SLC16A12: variants seen among roughly 807,000 people sequenced by gnomAD.
SLC16A12 encodes the protein monocarboxylate transporter 12.
Under a neutral mutation model 42.4 loss-of-function variants are expected in SLC16A12, and 17 were observed. That is an observed-to-expected ratio of 0.40 (90% CI 0.27 to 0.60). SLC16A12 has a LOEUF of 0.60. Ranked by LOEUF, SLC16A12 falls within the 20% of genes least tolerant of loss-of-function variation. The probability of loss-of-function intolerance (pLI) is 0.42; values close to 1 mark genes in which losing one functional copy is unlikely to be tolerated. For synonymous variants in SLC16A12, 224 were observed against 229.4 expected, an observed-to-expected ratio of 0.98 and a Z score of 0.21; for missense variants, 544 against 623.0, an observed-to-expected ratio of 0.87 and a Z score of 1.35.
At chr10:89,554,054 AAGAAAGAAAGAAAGAAAG>A in intron 2 of SLC16A12, among the ~76,000 whole-genome samples, 1 of 74,286 alleles carries the variant, frequency 1.3e-5, no homozygotes, top group African/African-American at 5.6e-5. Context: ...GAAAGAAAGA[AAGAAAGAAAGAAAGAAAG>A]AAAGAAAGAA....
chr10:89,531,057 A>G (rs1009193465), intron 2 of SLC16A12, among the ~76,000 whole-genome samples: 1 of 152,170 alleles, frequency 6.6e-6, no homozygotes. Context: ...TAGTTTTCAC[A>G]GAAATACCAT....
intron 3 of SLC16A12, among the ~76,000 whole-genome samples, chr10:89,455,449 T>C (rs902981539): frequency 2.6e-5 from 4 of 152,200 alleles, no homozygotes; most frequent in African/African-American, 9.7e-5. Flanking sequence ...GAAATTCTTG[T>C]CTAAACATGT....
intron 2 of SLC16A12, among the ~76,000 whole-genome samples, chr10:89,475,731 A>G (rs1012833820): frequency 1.3e-5 from 2 of 152,194 alleles, no homozygotes; most frequent in African/African-American, 2.4e-5. Flanking sequence ...GAAACTGCCA[A>G]AGCCTCTACA....
chr10:89,434,116 G>A (rs976920591), intron 7 of SLC16A12, among the ~76,000 whole-genome samples: 22 of 152,096 alleles, frequency 1.4e-4, no homozygotes, highest in Admixed American at 3.9e-4. Flanking sequence ...AGATCCATTC[G>A]TCAAAAATAG....
At chr10:89,513,738 G>T (rs1843201025) in intron 2 of SLC16A12, among the ~76,000 whole-genome samples, 1 of 152,152 alleles carries the variant, frequency 6.6e-6, no homozygotes, top group Admixed American at 6.5e-5. Flanking sequence ...GGACTAGTCA[G>T]ACCAGTGCCC....
intron 2 of SLC16A12, among the ~76,000 whole-genome samples, chr10:89,486,130 C>T (rs1842737933): frequency 6.6e-6 from 1 of 152,150 alleles, no homozygotes; most frequent in Non-Finnish European, 1.5e-5. Flanking sequence ...CATCAATAAG[C>T]TCCTCAGTTC....
At chr10:89,439,248 C>G in intron 5 of SLC16A12, 65 bp from the exon 6 acceptor site, 1 of 1,473,860 alleles carries the variant, frequency 6.8e-7, no homozygotes. Context: ...TCTCAGAATA[C>G]AATGATTTAT....
At chr10:89,517,581 G>A (rs1049011555) in intron 2 of SLC16A12, among the ~76,000 whole-genome samples, 1 of 152,100 alleles carries the variant, frequency 6.6e-6, no homozygotes, top group African/African-American at 2.4e-5. Flanking sequence ...AAACCCCTGG[G>A]GTTTCAAGCA....
At chr10:89,476,856 C>A (rs998065715) in intron 2 of SLC16A12, among the ~76,000 whole-genome samples, 2 of 152,234 alleles carry the variant, frequency 1.3e-5, no homozygotes, top group African/African-American at 4.8e-5. Flanking sequence ...CAGGAGGGCT[C>A]ACCTACAGGG....
intron 7 of SLC16A12, 45 bp downstream of exon 7, chr10:89,436,015 A>G (rs1841778029): frequency 6.2e-7 from 1 of 1,611,782 alleles, no homozygotes; most frequent in Non-Finnish European, 8.5e-7. Flanking sequence ...TCACATCAAT[A>G]TGCCAAAGAG....
At chr10:89,491,639 G>A (rs1842849056) in intron 2 of SLC16A12, among the ~76,000 whole-genome samples, 1 of 151,980 alleles carries the variant, frequency 6.6e-6, no homozygotes, top group Non-Finnish European at 1.5e-5. Context: ...TGGGGGAGGA[G>A]GTAAGAATTG....
At chr10:89,472,369 A>G (rs1842511152) in intron 2 of SLC16A12, among the ~76,000 whole-genome samples, 1 of 152,070 alleles carries the variant, frequency 6.6e-6, no homozygotes, top group South Asian at 2.1e-4. Context: ...CCCTGTTCAC[A>G]GATTGGAAGA....
At chr10:89,433,478 G>T in intron 7 of SLC16A12, 152 bp from the exon 8 acceptor site, 1 of 777,618 alleles carries the variant, frequency 1.3e-6, no homozygotes, top group Non-Finnish European at 2.1e-6. Flanking sequence ...AAAATATTGT[G>T]CAGCAACTGA....
At chr10:89,449,805 A>G (rs947557668) in intron 3 of SLC16A12, among the ~76,000 whole-genome samples, 6 of 152,240 alleles carry the variant, frequency 3.9e-5, no homozygotes, top group East Asian at 1.9e-4. Flanking sequence ...AGAAACTACC[A>G]TCAGAGTGAA....
At chr10:89,509,331 G>A (rs749120064) in intron 2 of SLC16A12, among the ~76,000 whole-genome samples, 23 of 152,094 alleles carry the variant, frequency 1.5e-4, no homozygotes, top group Non-Finnish European at 2.2e-4. Flanking sequence ...GAACATCAAC[G>A]TGAAAATTCT....
intron 2 of SLC16A12, among the ~76,000 whole-genome samples, chr10:89,512,137 C>G (rs1564595120): frequency 6.6e-6 from 1 of 152,054 alleles, no homozygotes; most frequent in Non-Finnish European, 1.5e-5. Flanking sequence ...ATGGTGGTTG[C>G]CAGGGCCTGA....
At chr10:89,453,285 T>C (rs1842125331) in intron 3 of SLC16A12, among the ~76,000 whole-genome samples, 1 of 152,232 alleles carries the variant, frequency 6.6e-6, no homozygotes, top group Non-Finnish European at 1.5e-5. Context: ...AACCTTATGA[T>C]GTTTCTTAAC....
chr10:89,438,555 G>A lies in SLC16A12; in HGVS notation c.1028+49C>T, dbSNP rs1031235157. 1.9e-6 allele frequency: 3 copies of A among 1,558,028 alleles called. No homozygotes were observed. In the African/African-American group the frequency reaches 4.1e-5, roughly 21 times the overall value. ...GGTAAGGGGCTGAGGAGAAACTCAAGGCTTAAAGTCCCCTGGTGGGGAACC... is the reference window on the plus strand; with the variant it reads ...GGTAAGGGGCTGAGGAGAAACTCAAAGCTTAAAGTCCCCTGGTGGGGAACC... On this transcript the variant is annotated intron_variant, in intron 6 of 7. Coordinates refer to ENST00000371790, the MANE Select transcript of SLC16A12 (RefSeq NM_213606.4).
intron 2 of SLC16A12, among the ~76,000 whole-genome samples, chr10:89,528,592 G>A (rs1281782451): frequency 2.6e-5 from 4 of 151,798 alleles, no homozygotes; most frequent in African/African-American, 9.7e-5. Context: ...TAATGAATGG[G>A]CCCTCTATAG....
Sources: allele counts gnomAD v4.1 joint callset (sites outside exome capture counted in the v4.1 genomes callset), GRCh38; gene constraint gnomAD v4.1.1; transcripts MANE v1.5; gene names NCBI Gene and HGNC (gene_info 2026-07-23, HGNC 2026-07-21).